Variants in ASIC2 observed in about 807,000 individuals in gnomAD.
ASIC2 encodes the protein acid sensing ion channel subunit 2, also known as acid-sensing ion channel 2.
ASIC2 carries 25 observed loss-of-function variants against 57.3 expected under a neutral mutation model. The observed-to-expected ratio is 0.44, with a 90% confidence interval of 0.32 to 0.61. ASIC2 has a LOEUF of 0.61. Ranked by LOEUF, ASIC2 falls within the 20% of genes least tolerant of loss-of-function variation. ASIC2 has a pLI of 0.06. For synonymous variants in ASIC2, 319 were observed against 307.5 expected (o/e 1.04, Z -0.39); for missense variants, 641 against 738.1 (o/e 0.87, Z 1.52).
chr17:33,471,085 T>C (rs1913035970), intron 1 of ASIC2, among the ~76,000 whole-genome samples: 1 of 152,222 alleles, frequency 6.6e-6, no homozygotes, highest in African/African-American at 2.4e-5. Context: ...GGTCTGAGCA[T>C]GTTCTGTGTA....
chr17:33,256,509 A>G (rs1317407462), intron 1 of ASIC2, among the ~76,000 whole-genome samples: 9 of 152,076 alleles, frequency 5.9e-5, no homozygotes, highest in Admixed American at 5.9e-4. Context: ...GATAATAGAG[A>G]AATGAATTGG....
At chr17:33,417,391 A>C (rs1910883458) in intron 1 of ASIC2, among the ~76,000 whole-genome samples, 1 of 152,150 alleles carries the variant, frequency 6.6e-6, no homozygotes, top group Non-Finnish European at 1.5e-5. Context: ...TATTGCAAGA[A>C]TTTCTTAAAT....
At chr17:34,075,474 A>G (rs1023217233) in intron 1 of ASIC2, among the ~76,000 whole-genome samples, 5 of 152,176 alleles carry the variant, frequency 3.3e-5, no homozygotes, top group Admixed American at 6.5e-5. Flanking sequence ...TCTAAATAAT[A>G]TCTGACACCA....
Position 33,585,739 on chromosome 17 carries a change from A to G in ASIC2, c.556-473672T>C, listed in dbSNP as rs148065676. On this transcript the variant is annotated intron_variant, in intron 1 of 9. Coordinates refer to the ASIC2 transcript ENST00000359872. ...TGTTATGGCAACCAGGTAGGATGTT[A>G]TAACCTGCATTTTAGTTTTCCCTTC... 4.5e-3 allele frequency among the ~76,000 whole-genome samples: 689 copies of G among 152,324 alleles called. 5 individuals carry two copies. The highest frequency in any genetic ancestry group is 6.5e-3 in the Non-Finnish European group (439 of 68,014).
intron 1 of ASIC2, among the ~76,000 whole-genome samples, chr17:33,138,180 A>G (rs1414203217): frequency 6.6e-6 from 1 of 152,076 alleles, no homozygotes; most frequent in Non-Finnish European, 1.5e-5. Context: ...AGTCAGAGTT[A>G]AGCTTTAGAT....
At chr17:33,537,683 G>A (rs1375422086) in intron 1 of ASIC2, among the ~76,000 whole-genome samples, 1 of 152,186 alleles carries the variant, frequency 6.6e-6, no homozygotes, top group Non-Finnish European at 1.5e-5. Context: ...CTGGAAGGCA[G>A]GGCCTGCAAG....
At chr17:33,141,497 CT>C (rs1040779310) in intron 1 of ASIC2, among the ~76,000 whole-genome samples, 7 of 152,334 alleles carry the variant, frequency 4.6e-5, no homozygotes, top group Admixed American at 3.3e-4. Context: ...GCCTCCATTC[CT>C]TCAAGCACAG....
At chr17:34,091,266 T>C (rs560017727) in intron 1 of ASIC2, among the ~76,000 whole-genome samples, 1 of 152,248 alleles carries the variant, frequency 6.6e-6, no homozygotes, top group Non-Finnish European at 1.5e-5. Context: ...TGTCTGGAAC[T>C]TCTTAGAGGC....
chr17:33,388,795 C>T (rs1298643276), intron 1 of ASIC2, among the ~76,000 whole-genome samples: 3 of 152,240 alleles, frequency 2.0e-5, no homozygotes, highest in Non-Finnish European at 2.9e-5. Context: ...CAAATGTTCA[C>T]TTCTTGCTCA....
chr17:33,933,219 C>T (rs1915983789), intron 1 of ASIC2, among the ~76,000 whole-genome samples: 1 of 152,212 alleles, frequency 6.6e-6, no homozygotes, highest in African/African-American at 2.4e-5. Flanking sequence ...AAAGTCACCT[C>T]CTCAAAGAAG....
intron 1 of ASIC2, among the ~76,000 whole-genome samples, chr17:33,270,116 A>T (rs1421605548): frequency 6.6e-6 from 1 of 152,260 alleles, no homozygotes; most frequent in Non-Finnish European, 1.5e-5. Flanking sequence ...TTTTGAATCA[A>T]TAAACTAATT....
At chr17:33,842,017 C>T (rs180969380) in intron 1 of ASIC2, among the ~76,000 whole-genome samples, 43 of 152,074 alleles carry the variant, frequency 2.8e-4, no homozygotes, top group East Asian at 2.3e-3. Context: ...ACAACATATC[C>T]GCCTTATGTA....
At chr17:33,465,892 G>T (rs887215656) in intron 1 of ASIC2, among the ~76,000 whole-genome samples, 1 of 152,090 alleles carries the variant, frequency 6.6e-6, no homozygotes, top group Admixed American at 6.5e-5. Flanking sequence ...ATTTTTCTTG[G>T]TAGCTGTTGG....
chr17:33,481,038 A>G (rs1181704637), intron 1 of ASIC2, among the ~76,000 whole-genome samples: 1 of 152,138 alleles, frequency 6.6e-6, no homozygotes, highest in Non-Finnish European at 1.5e-5. Context: ...ACCACTAGTC[A>G]TCATCAGCCA....
chr17:33,746,849 C>G (rs1322781567), intron 1 of ASIC2, among the ~76,000 whole-genome samples: 2 of 151,990 alleles, frequency 1.3e-5, no homozygotes, highest in African/African-American at 4.8e-5. Context: ...AATATATTCA[C>G]TGATTACAAT....
intron 2 of ASIC2, among the ~76,000 whole-genome samples, chr17:33,100,747 C>T (rs2092208929): frequency 6.6e-6 from 1 of 152,188 alleles, no homozygotes; most frequent in South Asian, 2.1e-4. Flanking sequence ...GTGCCTGGCA[C>T]ACAGTAGGTA....
intron 1 of ASIC2, among the ~76,000 whole-genome samples, chr17:33,391,926 T>A (rs566733382): frequency 6.6e-6 from 1 of 152,312 alleles, no homozygotes; most frequent in African/African-American, 2.4e-5. Context: ...TTGTAGGATA[T>A]CCTATAACTT....
At chr17:33,135,593 T>C (rs2092364141) in intron 1 of ASIC2, among the ~76,000 whole-genome samples, 1 of 152,194 alleles carries the variant, frequency 6.6e-6, no homozygotes, top group Admixed American at 6.5e-5. Context: ...GACAAGAGGT[T>C]GGGAAGGGGC....
At chr17:33,501,606 G>A (rs1367491361) in intron 1 of ASIC2, among the ~76,000 whole-genome samples, 3 of 152,178 alleles carry the variant, frequency 2.0e-5, no homozygotes, top group South Asian at 2.1e-4. Context: ...TTTAGGTACC[G>A]TCGAATCCGT....
Sources: gnomAD v4.1 joint callset for allele counts (sites outside exome capture counted in the v4.1 genomes callset) on GRCh38, gnomAD v4.1.1 for gene constraint, MANE v1.5 for transcripts, NCBI Gene and HGNC (gene_info 2026-07-23, HGNC 2026-07-21) for gene names.